Variants in HOXB4 observed in about 807,000 individuals in gnomAD.
HOXB4 encodes homeobox protein Hox-B4.
Under a neutral mutation model 20.0 loss-of-function variants are expected in HOXB4, and 13 were observed. The ratio of observed to expected loss-of-function variants is 0.65; its 90% CI spans 0.42 to 1.03. The LOEUF (loss-of-function observed/expected upper bound fraction) is 1.03. Ranked by LOEUF, HOXB4 falls within the 50% of genes least tolerant of loss-of-function variation. The pLI, the probability that HOXB4 is intolerant of heterozygous loss-of-function variation, is 0.00. For missense variants in HOXB4, 343 were observed against 357.1 expected (o/e 0.96, Z 0.32); for synonymous variants, 173 against 148.9 (o/e 1.16, Z -1.18).
chr17:48,577,075 A>G (rs989281275), intron 1 of HOXB4, 55 bp from the exon 2 acceptor site: 1 of 1,485,932 alleles, frequency 6.7e-7, no homozygotes, highest in African/African-American at 1.4e-5. Context: ...CCCGAAAGAG[A>G]GAGTCCTTTC....
Position 48,577,873 on chromosome 17 carries a change from G to A in HOXB4, c.447C>T (p.His149=), listed in dbSNP as rs764769248. 7.9e-6 allele frequency: 11 copies of A among 1,398,630 alleles called. No homozygotes were observed. The highest frequency in any genetic ancestry group is 9.3e-6 in the Non-Finnish European group (10 of 1,071,648). 86.6% of individuals were successfully genotyped at this position (1,398,630 alleles called of 1,614,324 possible). The part of the protein sequence containing the change: ...PVVYPWMRKV[H]VSTVNPNYAG... ...TGCCCACGCACTCACCCGTGCTCACGTGAACTTTGCGCATCCAGGGGTAGA... is the reference window on the plus strand; with the variant it reads ...TGCCCACGCACTCACCCGTGCTCACATGAACTTTGCGCATCCAGGGGTAGA... Residue 149 remains histidine (H), a synonymous_variant, in exon 1 of 2, where the codon CAC becomes CAT. Coordinates refer to ENST00000332503, the MANE Select transcript of HOXB4 (RefSeq NM_024015.5).
At position 48,576,980 on chromosome 17, in the gene HOXB4, C is replaced by T; in HGVS notation, c.498G>A (p.Arg166=). ...NYAGGEPKRS[R]TAYTRQQVLE... is the part of the protein sequence containing the mutation. ...AGACCTGCTGGCGCGTGTAGGCGGT[C>T]CGAGAGCGCTTGGGCTCCCCGCCGG... The change falls in exon 2 of 2, where the codon CGG becomes CGA. Residue 166 remains arginine, a synonymous_variant. Coordinates refer to ENST00000332503, the MANE Select transcript of HOXB4 (RefSeq NM_024015.5). The T allele has an allele frequency of 6.2e-7, 1 of 1,610,960 alleles. No individual in the cohort carries two copies. Among genetic ancestry groups the T allele is most frequent in the South Asian group, 1.1e-5 (1 of 90,990 alleles).
At position 48,578,059 on chromosome 17, in the gene HOXB4, G is replaced by T. The variant is rs1379525727; in HGVS notation, c.261C>A (p.Pro87=). ...PPPPPPPPPP[P]GLSPRAPAPP... ...GCGCAGGAGCCCGAGGGGACAGACC[G>T]GGCGGTGGCGGGGGCGGCGGGGGTG... Residue 87 remains proline, a synonymous_variant, in exon 1 of 2, where the codon CCC becomes CCA. Transcript: ENST00000332503. 8.6e-6 allele frequency: 10 copies of T among 1,169,422 alleles called. No individual in the cohort carries two copies. Among genetic ancestry groups the T allele is most frequent in the Non-Finnish European group, 1.1e-5 (10 of 924,134 alleles). 72.4% of individuals were successfully genotyped at this position (1,169,422 alleles called of 1,614,324 possible).
Position 48,576,650 on chromosome 17 carries a change from T to TTCCCCCCCCCCC in HOXB4, c.*71_*72insGGGGGGGGGGGA. The TTCCCCCCCCCCC allele has an allele frequency of 5.3e-6, 3 of 567,764 alleles. No individual in the cohort carries two copies. Among genetic ancestry groups the TTCCCCCCCCCCC allele is most frequent in the South Asian group, 2.9e-5 (1 of 34,782 alleles). 35.2% of individuals were successfully genotyped at this position (567,764 alleles called of 1,614,324 possible). A position where few individuals can be genotyped will look rare whatever the true frequency, so the allele number is the denominator to read the frequency against. ...GCCCAGGCCCCAGGGCCCCCTCCTG[T>TTCCCCCCCCCCC]CCCCCCACCCCATCCCCTGCACTCA... On this transcript the variant is annotated 3_prime_UTR_variant, in exon 2 of 2. Transcript: ENST00000332503.
Position 48,577,985 on chromosome 17 carries a change from G to T in HOXB4, c.335C>A (p.Ala112Glu), listed in dbSNP as rs566445434. Residue 112 changes from alanine (A) to glutamate (E), a missense_variant, in exon 1 of 2, where the codon GCG (alanine) becomes GAG (glutamate). Coordinates refer to ENST00000332503, the MANE Select transcript of HOXB4 (RefSeq NM_024015.5). ...LLPEPGQRCEAVSSSPPPPPC... is the reference protein window; with the variant it reads ...LLPEPGQRCEEVSSSPPPPPC... ...AGGCGGCGGGGGGCTGCTGCTGACC[G>T]CCTCGCAGCGCTGGCCGGGCTCCGG... 1.5e-5 allele frequency: 19 copies of T among 1,292,458 alleles called. No individual in the cohort carries two copies. Among genetic ancestry groups the T allele is most frequent in the Admixed American group, 3.1e-5 (1 of 31,996 alleles). The allele number at this position is 1,292,458 out of a possible 1,614,324, so 80.1% of individuals were successfully genotyped here.
In HOXB4 at chr17:48,576,521, C is replaced by T; in HGVS notation, c.*201G>A. The T allele has an allele frequency of 2.4e-6, 1 of 413,296 alleles. No individual in the cohort carries two copies. The highest frequency in any genetic ancestry group is 4.2e-6 in the Non-Finnish European group (1 of 236,890). The allele number at this position is 413,296 out of a possible 1,614,324, so 25.6% of individuals were successfully genotyped here. Reference sequence around the variant, plus strand: ...TGAATCTTGCTTCTGGGGGGGCCTCCCCGTGGCCCTCTATTGTCATTTCTA... The same window carrying T: ...TGAATCTTGCTTCTGGGGGGGCCTCTCCGTGGCCCTCTATTGTCATTTCTA... On this transcript the variant is annotated 3_prime_UTR_variant, in exon 2 of 2. Transcript: ENST00000332503.
Position 48,576,949 on chromosome 17 carries a change from G to A in HOXB4, c.529C>T (p.Leu177=). The A allele has an allele frequency of 1.9e-6, 3 of 1,614,146 alleles. No individual in the cohort carries two copies. In the South Asian group the frequency reaches 3.3e-5, roughly 18 times the overall value. ...CGGTTGTAGTGAAATTCCTTCTCCA[G>A]CTCCAAGACCTGCTGGCGCGTGTAG... is the stretch of plus-strand genomic sequence containing the variant. The part of the protein sequence containing the change: ...TAYTRQQVLE[L]EKEFHYNRYL... The change falls in exon 2 of 2, where the codon CTG becomes TTG. Residue 177 remains leucine (L), a synonymous_variant. Coordinates refer to ENST00000332503, the MANE Select transcript of HOXB4 (RefSeq NM_024015.5).
In HOXB4 at chr17:48,576,932, G is replaced by A. The variant is rs1281350200; in HGVS notation, c.546C>T (p.His182=). Residue 182 remains histidine (H), a synonymous_variant, in exon 2 of 2, where the codon CAC becomes CAT. Coordinates refer to ENST00000332503, the MANE Select transcript of HOXB4 (RefSeq NM_024015.5). The stretch of plus-strand genomic sequence containing the variant: ...GGCGCCGTGTCAGGTAGCGGTTGTA[G>A]TGAAATTCCTTCTCCAGCTCCAAGA... ...QQVLELEKEF[H]YNRYLTRRRR... The A allele has an allele frequency of 1.9e-6, 3 of 1,614,250 alleles. No homozygotes were observed. The highest frequency in any genetic ancestry group is 1.7e-5 in the Admixed American group (1 of 60,036).
In HOXB4 at chr17:48,578,350, T is replaced by C. The variant is rs200210127; in HGVS notation, c.-31A>G. On this transcript the variant is annotated 5_prime_UTR_variant, in exon 1 of 2. Transcript: ENST00000332503. ...TCTGGGAATTGCCCACAAAATATAC[T>C]AAAATTTATTCCGACCCCTGACTCG... 196 of 1,594,802 alleles carry C rather than the reference T, an allele frequency of 1.2e-4. No homozygotes were observed. In the African/African-American group the frequency reaches 2.4e-3, roughly 20 times the overall value.
Position 48,577,802 on chromosome 17 carries a change from C to G in HOXB4, c.457+61G>C, listed in dbSNP as rs916169008. 17 of 1,334,340 alleles carry G rather than the reference C, an allele frequency of 1.3e-5. No homozygotes were observed. In the East Asian group the frequency reaches 4.5e-4, roughly 35 times the overall value. The allele number at this position is 1,334,340 out of a possible 1,614,324, so 82.7% of individuals were successfully genotyped here. A position where few individuals can be genotyped will look rare whatever the true frequency, so the allele number is the denominator to read the frequency against. On this transcript the variant is annotated intron_variant, in intron 1 of 1. Transcript: ENST00000332503. Reference sequence around the variant, plus strand: ...TCAACCCCCCCCCAACCCATGCCTCCGAAGTCCCTTTGGTGTAAAGCTCCA... The same window carrying G: ...TCAACCCCCCCCCAACCCATGCCTCGGAAGTCCCTTTGGTGTAAAGCTCCA...
Position 48,576,652 on chromosome 17 carries a change from C to CCCCCCCCCCCA in HOXB4, c.*69_*70insTGGGGGGGGGG. The CCCCCCCCCCCA allele has an allele frequency of 3.5e-6, 2 of 576,250 alleles. No individual in the cohort carries two copies. The highest frequency in any genetic ancestry group is 5.0e-5 in the East Asian group (1 of 20,020). The allele number at this position is 576,250 out of a possible 1,614,324, so 35.7% of individuals were successfully genotyped here. ...CCAGGCCCCAGGGCCCCCTCCTGTCCCCCCACCCCATCCCCTGCACTCACT... is the reference window on the plus strand; with the variant it reads ...CCAGGCCCCAGGGCCCCCTCCTGTCCCCCCCCCCCCACCCCACCCCATCCCCTGCACTCACT... On this transcript the variant is annotated 3_prime_UTR_variant, in exon 2 of 2. Transcript: ENST00000332503.
intron 1 of HOXB4, 47 bp from the exon 2 acceptor site, chr17:48,577,067 CG>C: frequency 6.7e-7 from 1 of 1,500,764 alleles, no homozygotes. Flanking sequence ...TTATTGCCCC[CG>C]AAAGAGAGAG....
In HOXB4 at chr17:48,575,595, G is replaced by A. The variant is rs2069731714; in HGVS notation, c.*1127C>T. The stretch of plus-strand genomic sequence containing the variant: ...CACATACGAAGGGTTCTAGACTCAA[G>A]CAGCCCCAGAGGTAGGAAGGGGCCT... On this transcript the variant is annotated 3_prime_UTR_variant, in exon 2 of 2. Transcript: ENST00000332503. The A allele has an allele frequency of 6.6e-6, 1 of 152,500 alleles. No individual in the cohort carries two copies. The highest frequency in any genetic ancestry group is 2.4e-5 in the African/African-American group (1 of 41,428). The allele number at this position is 152,500 out of a possible 1,614,324, so 9.4% of individuals were successfully genotyped here.
In HOXB4 at chr17:48,576,659, CCCATCCCCTGCACTCACTG is replaced by C; in HGVS notation, c.*44_*62del. ...CCAGGGCCCCCTCCTGTCCCCCCAC[CCCATCCCCTGCACTCACTG>C]CCCACCCCCACCCCGAGGTTCGTGG... On this transcript the variant is annotated 3_prime_UTR_variant, in exon 2 of 2. Transcript: ENST00000332503. The C allele has an allele frequency of 1.1e-6, 1 of 891,838 alleles. No homozygotes were observed. 55.2% of individuals were successfully genotyped at this position (891,838 alleles called of 1,614,324 possible).
At position 48,576,085 on chromosome 17, in the gene HOXB4, A is replaced by AATGGGCACGAAAGATGAGGG. The variant is rs1412353106; in HGVS notation, c.*617_*636dup. The AATGGGCACGAAAGATGAGGG allele has an allele frequency of 2.6e-5, 4 of 152,520 alleles. No homozygotes were observed. Among genetic ancestry groups the AATGGGCACGAAAGATGAGGG allele is most frequent in the Admixed American group, 2.6e-4 (4 of 15,276 alleles). The allele number at this position is 152,520 out of a possible 1,614,324, so 9.4% of individuals were successfully genotyped here. On this transcript the variant is annotated 3_prime_UTR_variant, in exon 2 of 2. Coordinates refer to ENST00000332503, the MANE Select transcript of HOXB4 (RefSeq NM_024015.5). ...TGAGCAGTCATTCTGGCCCTCAGTG[A>AATGGGCACGAAAGATGAGGG]ATGGGCACGAAAGATGAGGGAGAGT... is the stretch of plus-strand genomic sequence containing the variant.
rs2069835608 is a variant in HOXB4 at position 48,578,220 on chromosome 17, A to T, written c.100T>A (p.Ser34Thr). 1 of 1,613,714 alleles carries T rather than the reference A, an allele frequency of 6.2e-7. No individual in the cohort carries two copies. Among genetic ancestry groups the T allele is most frequent in the African/African-American group, 1.3e-5 (1 of 74,878 alleles). The change falls in exon 1 of 2, where the codon TCG becomes ACG. Residue 34 changes from serine to threonine, a missense_variant. Coordinates refer to ENST00000332503, the MANE Select transcript of HOXB4 (RefSeq NM_024015.5). ...SQSDYLPSDHSPGYYAGGQRR... is the reference protein window; with the variant it reads ...SQSDYLPSDHTPGYYAGGQRR... ...TGGCCGCCGGCGTAGTACCCGGGCG[A>T]GTGGTCGCTGGGTAGGTAATCGCTC...
Position 48,578,208 on chromosome 17 carries a change from A to C in HOXB4, c.112T>G (p.Tyr38Asp), listed in dbSNP as rs2069834673. The C allele has an allele frequency of 2.5e-6, 4 of 1,613,698 alleles. No individual in the cohort carries two copies. The highest frequency in any genetic ancestry group is 3.4e-6 in the Non-Finnish European group (4 of 1,179,818). Residue 38 changes from tyrosine (Y) to aspartate (D), a missense_variant, in exon 1 of 2, where the codon TAC becomes GAC. Tyr to Asp is a radical substitution (Grantham distance 160). Around this residue, in one of 3 missense-constraint regions of HOXB4, gnomAD observed 241 missense variants for 222.0 expected, o/e 1.09. Transcript: ENST00000332503. ...YLPSDHSPGY[Y>D]AGGQRRESSF... ...CTCTCTCGCCTCTGGCCGCCGGCGT[A>C]GTACCCGGGCGAGTGGTCGCTGGGT...
In HOXB4 at chr17:48,576,905, C is replaced by CCGG; in HGVS notation, c.570_572dup (p.Arg192dup). The CCGG allele has an allele frequency of 6.2e-7, 1 of 1,614,268 alleles. No individual in the cohort carries two copies. The highest frequency in any genetic ancestry group is 8.5e-7 in the Non-Finnish European group (1 of 1,180,042). Reference sequence around the variant, plus strand: ...AGAGCGCGTGGGCGATCTCCACCCTCCGGCGCCGTGTCAGGTAGCGGTTGT... The same window carrying CCGG: ...AGAGCGCGTGGGCGATCTCCACCCTCCGGCGGCGCCGTGTCAGGTAGCGGTTGT... On this transcript the variant is annotated inframe_insertion, in exon 2 of 2. Transcript: ENST00000332503.
Position 48,578,147 on chromosome 17 carries a change from G to T in HOXB4, c.173C>A (p.Ala58Glu). Reference sequence around the variant, plus strand: ...CGCGTAGCGCTGCACGGTGCACGCCGCGCGCCGCCCGAAGCCCGCCTCCGG... The same window carrying T: ...CGCGTAGCGCTGCACGGTGCACGCCTCGCGCCGCCCGAAGCCCGCCTCCGG... Reference protein sequence around the residue: ...FQPEAGFGRRAACTVQRYAAC... With the variant: ...FQPEAGFGRREACTVQRYAAC... The change falls in exon 1 of 2, where the codon GCG (alanine) becomes GAG (glutamate). Residue 58 changes from alanine (A) to glutamate (E), a missense_variant. Coordinates refer to ENST00000332503, the MANE Select transcript of HOXB4 (RefSeq NM_024015.5). The T allele has an allele frequency of 6.3e-7, 1 of 1,578,380 alleles. No homozygotes were observed. The highest frequency in any genetic ancestry group is 8.6e-7 in the Non-Finnish European group (1 of 1,157,162).
Sources: gnomAD v4.1 joint callset for allele counts on GRCh38, gnomAD v4.1.1 for gene constraint, gnomAD v4.1.1 regional missense constraint, MANE v1.5 for transcripts, NCBI Gene and HGNC (gene_info 2026-07-23, HGNC 2026-07-21) for gene names.